The following MYO19 variants were observed in gnomAD, a reference collection of about 807,000 sequenced individuals.
MYO19 encodes myosin XIX.
Under a neutral mutation model 129.2 loss-of-function variants are expected in MYO19, and 132 were observed. That is an observed-to-expected ratio of 1.02 (90% confidence interval 0.89 to 1.18). The LOEUF is 1.18. MYO19 is among the 50% of genes most tolerant of loss of function. MYO19 has a pLI of 0.00. For synonymous variants in MYO19, 531 were observed against 477.2 expected, an observed-to-expected ratio of 1.11 and a Z score of -1.47; for missense variants, 1,210 against 1,216.7, an observed-to-expected ratio of 0.99 and a Z score of 0.08.
upstream of MYO19, among the ~76,000 whole-genome samples, chr17:36,544,698 C>T (rs1265433226): frequency 6.6e-6 from 1 of 152,240 alleles, no homozygotes; most frequent in Admixed American, 6.5e-5. Flanking sequence ...GATCACCCCT[C>T]CTACCAGTCC....
rs953685248 is a variant in MYO19 at position 36,514,564 on chromosome 17, G to A, written c.618-16C>T. On this transcript the variant is annotated splice_polypyrimidine_tract_variant and intron_variant, in intron 8 of 25. Coordinates refer to ENST00000614623, the MANE Select transcript of MYO19 (RefSeq NM_001163735.2). ...TTGCTGAGCCCTGGGACACACACAG[G>A]CCAGAGCCCGTTAGTTGCCCATTCA... The A allele has an allele frequency of 6.5e-7, 1 of 1,541,674 alleles. No homozygotes were observed.
chr17:36,498,962 C>T, intron 24 of MYO19, 113 bp downstream of exon 24: 1 of 809,472 alleles, frequency 1.2e-6, no homozygotes, highest in South Asian at 1.6e-5. Flanking sequence ...AGAGGCTAAA[C>T]AACCTGCCCA....
At chr17:36,505,052 A>G in intron 19 of MYO19, 1 of 724,116 alleles carries the variant, frequency 1.4e-6, no homozygotes, top group Non-Finnish European at 2.6e-6. Context: ...TCATCAGGGT[A>G]CATGGCTCAA....
chr17:36,504,410 G>T (rs1207213554), intron 19 of MYO19: 3 of 190,144 alleles, frequency 1.6e-5, no homozygotes, highest in Non-Finnish European at 3.2e-5. Context: ...GAGAGGCAGG[G>T]AAGATTATAC....
intron 2 of MYO19, chr17:36,541,972 GA>G (rs1267729032): frequency 6.6e-6 from 1 of 152,142 alleles, no homozygotes; most frequent in East Asian, 1.9e-4. Context: ...TTTTCCTTGG[GA>G]TATTGATTTT....
Position 36,495,961 on chromosome 17 carries a change from C to A in MYO19, c.*290G>T. The stretch of plus-strand genomic sequence containing the variant: ...GATCCCCAGTGTAGTGACAGACAGT[C>A]ATGACTGCTGCTGAGTTTGATCTGT... On this transcript the variant is annotated 3_prime_UTR_variant, in exon 26 of 26. Transcript: ENST00000614623. 3 of 906,340 alleles carry A rather than the reference C, an allele frequency of 3.3e-6. No individual in the cohort carries two copies. The highest frequency in any genetic ancestry group is 8.8e-5 in the South Asian group (2 of 22,774). The allele number at this position is 906,340 out of a possible 1,614,324, so 56.1% of individuals were successfully genotyped here. A position where few individuals can be genotyped will look rare whatever the true frequency, so the allele number is the denominator to read the frequency against.
chr17:36,503,595 C>T (rs1291369813), intron 20 of MYO19, among the ~76,000 whole-genome samples: 4 of 152,208 alleles, frequency 2.6e-5, no homozygotes, highest in African/African-American at 9.6e-5. Flanking sequence ...GTCTCCTCTG[C>T]CTCCCCCAGA....
At chr17:36,513,291 A>T (rs2072494156) in intron 11 of MYO19, 138 bp downstream of exon 11, 9 of 1,536,988 alleles carry the variant, frequency 5.9e-6, no homozygotes, top group Middle Eastern at 1.7e-4. Context: ...GAGGTGACTG[A>T]TTCCTTGGAG....
intron 6 of MYO19, among the ~76,000 whole-genome samples, chr17:36,524,495 AAT>A (rs1222763634): frequency 2.6e-5 from 4 of 152,242 alleles, no homozygotes; most frequent in African/African-American, 9.6e-5. Context: ...GGCCTTGGCC[AAT>A]AGTCTCCTTT....
chr17:36,525,522 A>G (rs1324891424), intron 5 of MYO19, among the ~76,000 whole-genome samples, 181 bp from the exon 6 acceptor site: 1 of 152,140 alleles, frequency 6.6e-6, no homozygotes, highest in African/African-American at 2.4e-5. Flanking sequence ...GGCTTTACCT[A>G]TTCATTTTCT....
Position 36,532,666 on chromosome 17 carries a change from C to G in MYO19, c.-128G>C, listed in dbSNP as rs1410659569. 10 of 1,119,524 alleles carry G rather than the reference C, an allele frequency of 8.9e-6. No individual in the cohort carries two copies. The African/African-American group carries it at 1.4e-4, about 16-fold the overall frequency. 69.3% of individuals were successfully genotyped at this position (1,119,524 alleles called of 1,614,324 possible). On this transcript the variant is annotated 5_prime_UTR_variant, in exon 3 of 26. Coordinates refer to ENST00000614623, the MANE Select transcript of MYO19 (RefSeq NM_001163735.2). ...GGCTCAGTTCTGGAGGAATCTCAGACAAGTCACTCCAGCGCCTGTGGCATG... is the reference window on the plus strand; with the variant it reads ...GGCTCAGTTCTGGAGGAATCTCAGAGAAGTCACTCCAGCGCCTGTGGCATG...
intron 6 of MYO19, among the ~76,000 whole-genome samples, chr17:36,516,837 T>C (rs993336659): frequency 1.1e-4 from 16 of 152,262 alleles, no homozygotes; most frequent in African/African-American, 3.9e-4. Flanking sequence ...TTAGTTGCAG[T>C]AAGGTGGCAA....
At chr17:36,525,062 C>T (rs768201557) in intron 6 of MYO19, among the ~76,000 whole-genome samples, 166 bp downstream of exon 6, 2 of 152,152 alleles carry the variant, frequency 1.3e-5, no homozygotes, top group East Asian at 3.8e-4. Flanking sequence ...TCTTGACTTC[C>T]GGCTCAGTGC....
At chr17:36,539,446 T>C (rs545487322), upstream of MYO19, 131 of 160,388 alleles carry the variant, frequency 8.2e-4, no homozygotes, top group African/African-American at 3.0e-3. Flanking sequence ...AAAATACTTA[T>C]ATACTATGAA....
chr17:36,495,872 A>T lies in MYO19; in HGVS notation c.*379T>A, dbSNP rs1208330138. ...AACCACAAGATTTTTCCCAGCCCAA[A>T]TTCCAGCGCCAATTTTAGGCCAACT... On this transcript the variant is annotated 3_prime_UTR_variant, in exon 26 of 26. Transcript: ENST00000614623. The T allele has an allele frequency of 8.1e-7, 1 of 1,238,994 alleles. No homozygotes were observed. Among genetic ancestry groups the T allele is most frequent in the East Asian group, 3.1e-5 (1 of 32,102 alleles). 76.8% of individuals were successfully genotyped at this position (1,238,994 alleles called of 1,614,324 possible).
In MYO19 at chr17:36,525,209, G is replaced by A. The variant is rs1225887499; in HGVS notation, c.414+19C>T. 2 of 1,577,594 alleles carry A rather than the reference G, an allele frequency of 1.3e-6. No homozygotes were observed. The highest frequency in any genetic ancestry group is 1.7e-6 in the Non-Finnish European group (2 of 1,147,270). ...CCAGCCAGTCGTGAGTTGACAGGAT[G>A]GGAAAGACGTCTTCCTACCTTTCCA... On this transcript the variant is annotated intron_variant, in intron 6 of 25. Transcript: ENST00000614623.
Position 36,507,016 on chromosome 17 carries a change from G to A in MYO19, c.1591C>T (p.His531Tyr), listed in dbSNP as rs1032589701. ...LSREPSFIVV[H>Y]YAGPVRYHTA... Reference sequence around the variant, plus strand: ...TGGTACCGCACAGGCCCCGCATAATGCACCACAATGAAGCTGGGCTCCCGG... The same window carrying A: ...TGGTACCGCACAGGCCCCGCATAATACACCACAATGAAGCTGGGCTCCCGG... Residue 531 changes from histidine (H) to tyrosine (Y), a missense_variant, in exon 17 of 26, where the codon CAT becomes TAT. By Grantham distance (83) the His-to-Tyr change is moderately conservative. Coordinates refer to ENST00000614623, the MANE Select transcript of MYO19 (RefSeq NM_001163735.2). 2 of 1,613,414 alleles carry A rather than the reference G, an allele frequency of 1.2e-6. No homozygotes were observed. The highest frequency in any genetic ancestry group is 1.7e-4 in the Middle Eastern group (1 of 6,060).
At chr17:36,504,926 A>G (rs1476899491) in intron 19 of MYO19, 38 of 290,602 alleles carry the variant, frequency 1.3e-4, no homozygotes, top group Admixed American at 5.4e-4. Flanking sequence ...AAAAAAAAAA[A>G]AAAAGAAAAA....
At chr17:36,524,044 C>T (rs1265608893) in intron 6 of MYO19, among the ~76,000 whole-genome samples, 1 of 152,132 alleles carries the variant, frequency 6.6e-6, no homozygotes, top group East Asian at 1.9e-4. Flanking sequence ...ACAGTGGCTG[C>T]TCAATAAAGG....
Sources: allele counts gnomAD v4.1 joint callset (sites outside exome capture counted in the v4.1 genomes callset), GRCh38; gene constraint gnomAD v4.1.1; transcripts MANE v1.5; gene names NCBI Gene and HGNC (gene_info 2026-07-23, HGNC 2026-07-21).